Variants in MON2 observed in about 807,000 individuals in gnomAD.
The protein encoded by MON2 is protein MON2 homolog.
Under a neutral mutation model 208.6 loss-of-function variants are expected in MON2, and 84 were observed. The ratio of observed to expected loss-of-function variants is 0.40; its 90% CI spans 0.34 to 0.48. The LOEUF (loss-of-function observed/expected upper bound fraction) is 0.48, where lower values mean the gene tolerates loss of function less well. Among genes scored for constraint, MON2 ranks in the 20% least tolerant of loss-of-function variants. The pLI is 0.59. For synonymous variants in MON2, 660 were observed against 694.0 expected (o/e 0.95, Z 0.77); for missense variants, 1,611 against 2,015.4 (o/e 0.80, Z 3.84).
intron 30 of MON2, among the ~76,000 whole-genome samples, chr12:62,573,531 G>C (rs1283516639): frequency 6.6e-6 from 1 of 151,510 alleles, no homozygotes; most frequent in East Asian, 1.9e-4. Flanking sequence ...GTCAAATCCA[G>C]CCTGAGCAAC....
rs1397998168 is a variant in MON2, at chr12:62,560,421, A to G, written c.3410-70A>G. 2.8e-6 allele frequency: 4 copies of G among 1,434,554 alleles called. No individual in the cohort carries two copies. In the Admixed American group the frequency reaches 9.1e-5, roughly 33 times the overall value. 88.9% of individuals were successfully genotyped at this position (1,434,554 alleles called of 1,614,324 possible). ...AGAAAAATTAAGCAAATATGCTTTC[A>G]AGTGTCTAATATGAAGAGAAAATTT... is the stretch of plus-strand genomic sequence containing the variant. On this transcript the variant is annotated intron_variant, in intron 25 of 34. Transcript: ENST00000393630.
intron 4 of MON2, among the ~76,000 whole-genome samples, chr12:62,496,804 T>C (rs2070514354): frequency 6.6e-6 from 1 of 152,016 alleles, no homozygotes; most frequent in African/African-American, 2.4e-5. Flanking sequence ...ATCCCATTAC[T>C]GGGTATATAC....
At chr12:62,516,865 C>T (rs1000209990) in intron 8 of MON2, among the ~76,000 whole-genome samples, 26 of 151,800 alleles carry the variant, frequency 1.7e-4, no homozygotes, top group African/African-American at 6.3e-4. Context: ...TACATACCTA[C>T]TATATACTCA....
At chr12:62,485,001 TTA>T (rs1181111529) in intron 2 of MON2, 3 of 151,890 alleles carry the variant, frequency 2.0e-5, no homozygotes, top group African/African-American at 7.3e-5. Flanking sequence ...TGGGGAAATA[TTA>T]TCTTATTTGA....
intron 2 of MON2, among the ~76,000 whole-genome samples, chr12:62,491,851 T>C (rs1298510511): frequency 6.6e-6 from 1 of 152,146 alleles, no homozygotes; most frequent in Non-Finnish European, 1.5e-5. Context: ...TCAGCAGAGA[T>C]AGGGGTTGCC....
intron 2 of MON2, among the ~76,000 whole-genome samples, chr12:62,493,330 C>T (rs1428952431): frequency 1.3e-5 from 2 of 152,068 alleles, no homozygotes; most frequent in Non-Finnish European, 2.9e-5. Context: ...AATTAAGGTT[C>T]GGAATTATAG....
chr12:62,552,425 A>G (rs1479125234), intron 23 of MON2, among the ~76,000 whole-genome samples: 4 of 151,782 alleles, frequency 2.6e-5, no homozygotes, highest in Admixed American at 2.6e-4. Context: ...CATAATTATC[A>G]TTAATATAAG....
chr12:62,504,251 T>G (rs1019714513), intron 7 of MON2, among the ~76,000 whole-genome samples: 1 of 148,752 alleles, frequency 6.7e-6, no homozygotes, highest in Non-Finnish European at 1.5e-5. Flanking sequence ...TTTTCTTTTT[T>G]TTTTTTTTTT....
intron 1 of MON2, among the ~76,000 whole-genome samples, chr12:62,468,150 TTC>T (rs2068602158): frequency 7.6e-6 from 1 of 131,114 alleles, no homozygotes; most frequent in Non-Finnish European, 1.6e-5. Flanking sequence ...GCCATTTTAA[TTC>T]TCTAAAAAAA....
chr12:62,579,468 A>C (rs1054419961), intron 31 of MON2, among the ~76,000 whole-genome samples: 1 of 151,862 alleles, frequency 6.6e-6, no homozygotes, highest in Non-Finnish European at 1.5e-5. Context: ...TCACACCTGT[A>C]ATCTCAGCAC....
In MON2 at chr12:62,585,107, ACACAAAACAAAAAAAAAC is replaced by A. The variant is rs1565714878; in HGVS notation, c.4700-186_4700-169del. Among the ~76,000 whole-genome samples, 41 of 49,982 alleles carry A rather than the reference ACACAAAACAAAAAAAAAC, an allele frequency of 8.2e-4. 1 individual carries two copies. Among genetic ancestry groups the A allele is most frequent in the Non-Finnish European group, 7.4e-4 (18 of 24,394 alleles). 32.8% of individuals were successfully genotyped at this position (49,982 alleles called of 152,430 possible). A position where few individuals can be genotyped will look rare whatever the true frequency, so the allele number is the denominator to read the frequency against. Reference sequence around the variant, plus strand: ...CACACACACACACACACACACACACACACAAAACAAAAAAAAACAAAAAAAAAACACATTTTCACTATA... The same window carrying A: ...CACACACACACACACACACACACACAAAAAAAAAAACACATTTTCACTATA... On this transcript the variant is annotated intron_variant, in intron 32 of 34. Transcript: ENST00000393630.
intron 34 of MON2, among the ~76,000 whole-genome samples, chr12:62,589,827 G>A (rs2075339370): frequency 6.6e-6 from 1 of 150,978 alleles, no homozygotes; most frequent in East Asian, 1.9e-4. Context: ...TTTTTACAAA[G>A]CCAATAGGTT....
chr12:62,556,821 A>G (rs1198236043), intron 25 of MON2, among the ~76,000 whole-genome samples: 1 of 152,208 alleles, frequency 6.6e-6, no homozygotes, highest in Non-Finnish European at 1.5e-5. Flanking sequence ...CATGCCTATA[A>G]TCTCAACACT....
intron 21 of MON2, chr12:62,545,776 C>A (rs2073456043): frequency 6.6e-6 from 1 of 152,038 alleles, no homozygotes; most frequent in Admixed American, 6.6e-5. Context: ...TTATTGAATA[C>A]CCCACCTGGA....
intron 19 of MON2, among the ~76,000 whole-genome samples, chr12:62,542,756 T>A (rs1314991505): frequency 1.3e-5 from 2 of 152,214 alleles, no homozygotes; most frequent in Non-Finnish European, 2.9e-5. Context: ...CATTCACACA[T>A]AAAACCTGGT....
chr12:62,485,728 A>C (rs1391827869), intron 2 of MON2, among the ~76,000 whole-genome samples: 1 of 151,938 alleles, frequency 6.6e-6, no homozygotes, highest in Non-Finnish European at 1.5e-5. Context: ...CCTGAGATGG[A>C]CTTTTGCTCT....
intron 1 of MON2, among the ~76,000 whole-genome samples, chr12:62,469,680 C>A (rs1269884528): frequency 6.6e-6 from 1 of 152,070 alleles, no homozygotes; most frequent in Non-Finnish European, 1.5e-5. Context: ...TAAATTTTCT[C>A]TGTTAAATTA....
intron 34 of MON2, among the ~76,000 whole-genome samples, chr12:62,588,612 T>C (rs1162206137): frequency 6.6e-6 from 1 of 152,200 alleles, no homozygotes; most frequent in Non-Finnish European, 1.5e-5. Flanking sequence ...GTCCATTCTT[T>C]ACATGATAGC....
intron 7 of MON2, 42 bp downstream of exon 7, chr12:62,501,740 T>C (rs751372868): frequency 1.2e-6 from 2 of 1,602,506 alleles, no homozygotes; most frequent in Admixed American, 3.4e-5. Context: ...TAATCTGAAT[T>C]GTTTTACAGA....
Sources: allele counts gnomAD v4.1 joint callset (sites outside exome capture counted in the v4.1 genomes callset), GRCh38; gene constraint gnomAD v4.1.1; transcripts MANE v1.5; gene names NCBI Gene and HGNC (gene_info 2026-07-23, HGNC 2026-07-21).